ARSG: variants seen among roughly 807,000 people sequenced by gnomAD.
ARSG encodes the protein ASG.
Under a neutral mutation model 50.5 loss-of-function variants are expected in ARSG, and 37 were observed. That is an observed-to-expected ratio of 0.73 (90% CI 0.56 to 0.96). The LOEUF (loss-of-function observed/expected upper bound fraction) is 0.96, where lower values mean the gene tolerates loss of function less well. Among genes scored for constraint, ARSG ranks in the 50% least tolerant of loss-of-function variants. The pLI is 0.00. For missense variants in ARSG, 629 were observed against 675.3 expected (o/e 0.93, Z 0.76); for synonymous variants, 225 against 254.6 (o/e 0.88, Z 1.11).
At chr17:68,311,587 A>G (rs1476631826) in intron 2 of ARSG, among the ~76,000 whole-genome samples, 4 of 152,078 alleles carry the variant, frequency 2.6e-5, no homozygotes, top group Non-Finnish European at 1.5e-5. Context: ...CCTTATAAGA[A>G]GAGGAGAAGA....
At chr17:68,322,050 A>T (rs1270060931) in intron 2 of ARSG, among the ~76,000 whole-genome samples, 1 of 152,222 alleles carries the variant, frequency 6.6e-6, no homozygotes, top group African/African-American at 2.4e-5. Context: ...CAAATAAAGG[A>T]AACGAGATTG....
chr17:68,345,915 A>T (rs1345972093), intron 3 of ARSG, among the ~76,000 whole-genome samples: 4 of 152,182 alleles, frequency 2.6e-5, no homozygotes, highest in East Asian at 3.9e-4. Context: ...TTACTCTGTC[A>T]CCCAGGCTGG....
At chr17:68,308,345 C>T (rs562235376) in intron 2 of ARSG, among the ~76,000 whole-genome samples, 27 of 152,120 alleles carry the variant, frequency 1.8e-4, no homozygotes, top group African/African-American at 5.3e-4. Flanking sequence ...CAGATGTGTT[C>T]GGAGTTTCTT....
At chr17:68,272,734 A>G (rs1440786458) in intron 1 of ARSG, 1 of 1,614,070 alleles carries the variant, frequency 6.2e-7, no homozygotes, top group Non-Finnish European at 8.5e-7. Flanking sequence ...TAGGATGGTT[A>G]CAGTTGGGAG....
intron 2 of ARSG, among the ~76,000 whole-genome samples, chr17:68,329,534 G>A (rs1167167406): frequency 6.6e-6 from 1 of 152,188 alleles, no homozygotes; most frequent in Non-Finnish European, 1.5e-5. Context: ...GGCCCCACTG[G>A]CTGCCCCAGG....
At chr17:68,312,435 C>G (rs1407655698) in intron 2 of ARSG, among the ~76,000 whole-genome samples, 1 of 152,140 alleles carries the variant, frequency 6.6e-6, no homozygotes, top group Admixed American at 6.5e-5. Flanking sequence ...TTAGGAACTT[C>G]CGCTTTCAGT....
chr17:68,333,884 G>T (rs894972345), intron 2 of ARSG, among the ~76,000 whole-genome samples: 1 of 152,132 alleles, frequency 6.6e-6, no homozygotes, highest in African/African-American at 2.4e-5. Context: ...GGGCTCAGAA[G>T]TTGGGTCCTG....
intron 1 of ARSG, among the ~76,000 whole-genome samples, chr17:68,280,179 CAAA>C (rs58937538): frequency 0.22 from 19,415 of 87,026 alleles, 1,156 homozygotes; most frequent in East Asian, 0.34. Flanking sequence ...AACTCTGTCT[CAAA>C]AAAAAAAAAA....
At chr17:68,323,606 A>T (rs11650209) in intron 2 of ARSG, among the ~76,000 whole-genome samples, 60,661 of 151,932 alleles carry the variant, frequency 0.4, 12,673 homozygotes, top group Non-Finnish European at 0.43. Flanking sequence ...GAACCCTCAT[A>T]ACCTTATCTA....
At chr17:68,402,746 T>C (rs886897484) in intron 11 of ARSG, among the ~76,000 whole-genome samples, 20 of 152,072 alleles carry the variant, frequency 1.3e-4, no homozygotes, top group South Asian at 2.1e-4. Context: ...AGGATGGTCT[T>C]GATCTCCTGA....
At chr17:68,287,598 T>C (rs187370439), upstream of ARSG, among the ~76,000 whole-genome samples, 55 of 152,326 alleles carry the variant, frequency 3.6e-4, no homozygotes, top group Non-Finnish European at 5.0e-4. Flanking sequence ...ACCTGCATTC[T>C]TGGGTTTTTG....
intron 1 of ARSG, among the ~76,000 whole-genome samples, chr17:68,262,288 G>A (rs1239963237): frequency 1.3e-5 from 2 of 151,756 alleles, no homozygotes; most frequent in Non-Finnish European, 1.5e-5. Flanking sequence ...TGGCTAACAC[G>A]GTGAAACTCC....
At chr17:68,358,248 G>T (rs947998259) in intron 6 of ARSG, among the ~76,000 whole-genome samples, 11 of 151,704 alleles carry the variant, frequency 7.3e-5, no homozygotes, top group African/African-American at 2.7e-4. Context: ...AGGTAAATAA[G>T]AAAAACAAAG....
intron 1 of ARSG, among the ~76,000 whole-genome samples, chr17:68,291,897 G>C (rs1394029746): frequency 6.6e-6 from 1 of 151,860 alleles, no homozygotes; most frequent in Non-Finnish European, 1.5e-5. Context: ...CGCCGGGGCT[G>C]ATCCCGCGCG....
chr17:68,418,026 G>A (rs147198166), intron 11 of ARSG, among the ~76,000 whole-genome samples: 11 of 151,988 alleles, frequency 7.2e-5, no homozygotes, highest in East Asian at 5.8e-4. Flanking sequence ...CACCACACCC[G>A]GCTGAGTTGT....
In ARSG at chr17:68,292,155, G is replaced by T. The variant is rs531566981; in HGVS notation, c.-552+587G>T. ...CCCCCACTTTGCTGCACCGGCAGCA[G>T]CGGCAGCAACAGCATCCGCGTTGCG... is the stretch of plus-strand genomic sequence containing the variant. On this transcript the variant is annotated intron_variant, in intron 1 of 11. Coordinates refer to ENST00000621439, the MANE Select transcript of ARSG (RefSeq NM_001267727.2). Among the ~76,000 whole-genome samples, 1,427 of 152,206 alleles carry T rather than the reference G, an allele frequency of 9.4e-3. 10 individuals carry two copies. Among genetic ancestry groups the T allele is most frequent in the Non-Finnish European group, 0.013 (874 of 67,978 alleles).
chr17:68,285,088 A>T (rs1438528231), intron 1 of ARSG, among the ~76,000 whole-genome samples: 1 of 152,202 alleles, frequency 6.6e-6, no homozygotes, highest in Non-Finnish European at 1.5e-5. Context: ...GCTGATGATG[A>T]TGCTAAGGAA....
At chr17:68,328,895 G>A (rs1311798034) in intron 2 of ARSG, among the ~76,000 whole-genome samples, 1 of 152,180 alleles carries the variant, frequency 6.6e-6, no homozygotes, top group African/African-American at 2.4e-5. Flanking sequence ...GCTGCTGATG[G>A]TGGAAAAACA....
At chr17:68,309,181 G>T (rs529153147) in intron 2 of ARSG, among the ~76,000 whole-genome samples, 1 of 152,240 alleles carries the variant, frequency 6.6e-6, no homozygotes, top group Non-Finnish European at 1.5e-5. Flanking sequence ...CCCGGGGCCC[G>T]CAGGGCCAGC....
Sources: allele counts gnomAD v4.1 joint callset (sites outside exome capture counted in the v4.1 genomes callset), GRCh38; gene constraint gnomAD v4.1.1; transcripts MANE v1.5; gene names NCBI Gene and HGNC (gene_info 2026-07-23, HGNC 2026-07-21).